The following PCDHAC1 variants were observed in gnomAD, a reference collection of about 807,000 sequenced individuals.
PCDHAC1 encodes the protein protocadherin alpha subfamily C, 1.
A neutral mutation model predicts 60.0 loss-of-function variants in PCDHAC1; 42 were observed. The observed-to-expected ratio is 0.70, with a 90% CI of 0.55 to 0.90. The LOEUF (loss-of-function observed/expected upper bound fraction) is 0.90. Among genes scored for constraint, PCDHAC1 ranks in the 40% least tolerant of loss-of-function variants. The pLI is 0.00. For missense variants in PCDHAC1, 1,160 were observed against 1,222.3 expected (o/e 0.95, Z 0.76); for synonymous variants, 468 against 499.3 (o/e 0.94, Z 0.84).
rs116072877 is a variant in PCDHAC1 at position 140,927,686 on chromosome 5, A to G, written c.794A>G (p.Asn265Ser). The change falls in exon 1 of 4, where the codon AAT becomes AGT. Residue 265 changes from asparagine (N) to serine (S), a missense_variant. This residue lies in a region of PCDHAC1 where 1,113 missense variants were observed against 1,163.7 expected (regional missense o/e 0.96). Transcript: ENST00000253807. ...GCCTTGGATCCAGATGAAGGGTCCA[A>G]TGGGGAAGTCCAGTACTCCCTAAGC... ...VQALDPDEGS[N>S]GEVQYSLSNS... 796 of 1,614,196 alleles carry G rather than the reference A, an allele frequency of 4.9e-4. 3 individuals carry two copies. The African/African-American group carries it at 7.7e-3, about 16-fold the overall frequency.
Position 140,928,829 on chromosome 5 carries a change from T to C in PCDHAC1, c.1937T>C (p.Leu646Pro). 6.2e-7 allele frequency: 1 copy of C among 1,614,170 alleles called. No homozygotes were observed. The highest frequency in any genetic ancestry group is 8.5e-7 in the Non-Finnish European group (1 of 1,180,028). ...GTTCGGGACCATGGAGACCCACCAC[T>C]TTCCTCCTCTGTCACTCTGGGTGTG... Reference protein sequence around the residue: ...VVVRDHGDPPLSSSVTLGVLL... With the variant: ...VVVRDHGDPPPSSSVTLGVLL... Residue 646 changes from leucine to proline, a missense_variant, in exon 1 of 4, where the codon CTT becomes CCT. Coordinates refer to ENST00000253807, the MANE Select transcript of PCDHAC1 (RefSeq NM_018898.5).
chr5:140,985,505 T>C (rs2097155238), intron 3 of PCDHAC1, among the ~76,000 whole-genome samples: 1 of 152,188 alleles, frequency 6.6e-6, no homozygotes, highest in Non-Finnish European at 1.5e-5. Flanking sequence ...CTGCCTTTCA[T>C]TGATTCTGTT....
intron 1 of PCDHAC1, among the ~76,000 whole-genome samples, chr5:140,970,537 GT>G (rs111648801): frequency 0.029 from 4,476 of 152,214 alleles, 218 homozygotes; most frequent in African/African-American, 0.1. Flanking sequence ...ATGTGTGTGT[GT>G]TTGTGTTGTG....
At chr5:140,994,065 T>A (rs1563596985) in intron 3 of PCDHAC1, among the ~76,000 whole-genome samples, 1 of 152,092 alleles carries the variant, frequency 6.6e-6, no homozygotes, top group Non-Finnish European at 1.5e-5. Context: ...ATAAATCTAA[T>A]GGTGAAGGGA....
chr5:140,941,260 T>TCTTTCTTTCTTC (rs2092990214), intron 1 of PCDHAC1, among the ~76,000 whole-genome samples: 2 of 138,280 alleles, frequency 1.4e-5, no homozygotes, highest in Admixed American at 1.5e-4. Flanking sequence ...TCTTTCTCTT[T>TCTTTCTTTCTTC]CTTTCTTTCT....
chr5:141,010,403 G>T lies in PCDHAC1; in HGVS notation c.*466G>T. ...ATATTGGCTGAGACGAGCCAGCTTA[G>T]ACTAATTGGTACAAGGAAGGCAAGA... On this transcript the variant is annotated 3_prime_UTR_variant, in exon 4 of 4. Transcript: ENST00000253807. 2 of 1,285,614 alleles carry T rather than the reference G, an allele frequency of 1.6e-6. No individual in the cohort carries two copies. Among genetic ancestry groups the T allele is most frequent in the Non-Finnish European group, 2.1e-6 (2 of 956,000 alleles). The allele number at this position is 1,285,614 out of a possible 1,614,324, so 79.6% of individuals were successfully genotyped here. A position where few individuals can be genotyped will look rare whatever the true frequency, so the allele number is the denominator to read the frequency against.
chr5:140,986,308 A>G (rs1399323765), intron 3 of PCDHAC1, among the ~76,000 whole-genome samples: 1 of 152,162 alleles, frequency 6.6e-6, no homozygotes, highest in African/African-American at 2.4e-5. Context: ...AGAGAAAATT[A>G]GCTAAATCAG....
chr5:140,932,608 T>C (rs573580763), intron 1 of PCDHAC1, among the ~76,000 whole-genome samples: 1 of 151,996 alleles, frequency 6.6e-6, no homozygotes, highest in African/African-American at 2.4e-5. Flanking sequence ...TATTTTGACT[T>C]TGAAGCTGAT....
chr5:140,929,428 G>A, intron 1 of PCDHAC1, 103 bp downstream of exon 1: 1 of 1,491,484 alleles, frequency 6.7e-7, no homozygotes. Flanking sequence ...TTCATCAATT[G>A]AACTAAACAC....
intron 1 of PCDHAC1, among the ~76,000 whole-genome samples, chr5:140,935,795 C>T (rs1366379710): frequency 2.0e-5 from 3 of 151,764 alleles, no homozygotes; most frequent in Admixed American, 6.6e-5. Flanking sequence ...AAAATATAAA[C>T]GAGATTATTT....
intron 3 of PCDHAC1, among the ~76,000 whole-genome samples, chr5:141,007,567 CA>C (rs1489201842): frequency 6.6e-6 from 1 of 151,954 alleles, no homozygotes; most frequent in Non-Finnish European, 1.5e-5. Flanking sequence ...GGCTCTATCT[CA>C]AATTTAAAAA....
At chr5:140,942,731 T>C (rs1404765148) in intron 1 of PCDHAC1, among the ~76,000 whole-genome samples, 4 of 152,052 alleles carry the variant, frequency 2.6e-5, no homozygotes, top group Non-Finnish European at 5.9e-5. Flanking sequence ...TGTTGAAAAA[T>C]ATTTTAAAAT....
rs578208339 is a variant in PCDHAC1 at position 141,001,194 on chromosome 5, C to G, written c.2582-8433C>G. Among the ~76,000 whole-genome samples the G allele has an allele frequency of 1.1e-4, 17 of 152,218 alleles. 1 individual carries two copies. In the South Asian group the frequency reaches 3.3e-3, roughly 30 times the overall value. On this transcript the variant is annotated intron_variant, in intron 3 of 3. Coordinates refer to ENST00000253807, the MANE Select transcript of PCDHAC1 (RefSeq NM_018898.5). ...ACGAGTTTTTACTTTGCACCATGCA[C>G]TTATGCTATGTGCTGTATAAGGATA...
Position 141,009,697 on chromosome 5 carries a change from C to T in PCDHAC1, c.2652C>T (p.Tyr884=), listed in dbSNP as rs1554262284. ...ACAGCAACAGCTGGACCTTTAAATA[C>T]GGACCAGGCAACCCCAAACAATCCG... ...GVNSNSWTFK[Y]GPGNPKQSGP... The change falls in exon 4 of 4, where the codon TAC becomes TAT. Residue 884 remains tyrosine (Y), a synonymous_variant. Coordinates refer to ENST00000253807, the MANE Select transcript of PCDHAC1 (RefSeq NM_018898.5). 1.1e-5 allele frequency: 17 copies of T among 1,613,952 alleles called. No individual in the cohort carries two copies. The highest frequency in any genetic ancestry group is 1.1e-5 in the South Asian group (1 of 91,066).
chr5:140,981,981 A>G (rs2096960839), intron 2 of PCDHAC1, among the ~76,000 whole-genome samples: 1 of 152,208 alleles, frequency 6.6e-6, no homozygotes, highest in Non-Finnish European at 1.5e-5. Flanking sequence ...GAAAGAGTAA[A>G]ATAGAAAATA....
intron 3 of PCDHAC1, among the ~76,000 whole-genome samples, chr5:141,008,352 A>T (rs549122044): frequency 6.6e-6 from 1 of 152,204 alleles, no homozygotes; most frequent in Non-Finnish European, 1.5e-5. Flanking sequence ...TTCACGTGTC[A>T]ACCAAAGGAG....
At chr5:140,962,191 T>C (rs2095664022) in intron 1 of PCDHAC1, among the ~76,000 whole-genome samples, 1 of 152,210 alleles carries the variant, frequency 6.6e-6, no homozygotes, top group African/African-American at 2.4e-5. Flanking sequence ...ATCACTTTTA[T>C]GCTTCCTATC....
At chr5:140,982,298 A>G (rs1371152402) in intron 2 of PCDHAC1, 177 bp from the exon 3 acceptor site, 12 of 1,189,736 alleles carry the variant, frequency 1.0e-5, no homozygotes, top group Admixed American at 5.6e-5. Flanking sequence ...TAAGTCAGCA[A>G]TGCTTCTGCA....
At position 140,926,324 on chromosome 5, in the gene PCDHAC1, G is replaced by A. The variant is rs574950381; in HGVS notation, c.-569G>A. 1 of 152,268 alleles carries A rather than the reference G, an allele frequency of 6.6e-6. No homozygotes were observed. The highest frequency in any genetic ancestry group is 1.5e-5 in the Non-Finnish European group (1 of 68,092). The allele number at this position is 152,268 out of a possible 1,614,324, so 9.4% of individuals were successfully genotyped here. A position where few individuals can be genotyped will look rare whatever the true frequency, so the allele number is the denominator to read the frequency against. On this transcript the variant is annotated 5_prime_UTR_variant, in exon 1 of 4. Coordinates refer to ENST00000253807, the MANE Select transcript of PCDHAC1 (RefSeq NM_018898.5). Reference sequence around the variant, plus strand: ...CTCTCCGCCGGAGAGGTGCGCCGGGGTCAGAGCGCCGGGACCCGACGCGCG... The same window carrying A: ...CTCTCCGCCGGAGAGGTGCGCCGGGATCAGAGCGCCGGGACCCGACGCGCG...
Sources: allele counts gnomAD v4.1 joint callset (sites outside exome capture counted in the v4.1 genomes callset), GRCh38; gene constraint gnomAD v4.1.1; regional missense constraint gnomAD v4.1.1; transcripts MANE v1.5; gene names NCBI Gene and HGNC (gene_info 2026-07-23, HGNC 2026-07-21).